LRRC37A2: variants seen among roughly 807,000 people sequenced by gnomAD.
LRRC37A2 encodes the protein leucine rich repeat containing 37 member A2.
Under a neutral mutation model 68.8 loss-of-function variants are expected in LRRC37A2, and 9 were observed. That is an observed-to-expected ratio of 0.13 (90% CI 0.08 to 0.23). The LOEUF is 0.23. Among genes scored for constraint, LRRC37A2 ranks in the 10% least tolerant of loss-of-function variants. The pLI is 1.00. For missense variants in LRRC37A2, 168 were observed against 950.4 expected, an observed-to-expected ratio of 0.18 and a Z score of 10.82; for synonymous variants, 63 against 367.6, an observed-to-expected ratio of 0.17 and a Z score of 9.48.
the LRRC37A2 span, among the ~76,000 whole-genome samples, chr17:46,738,613 G>A: frequency 9.2e-5 from 14 of 152,304 alleles, no homozygotes; most frequent in South Asian, 2.9e-3. Flanking sequence ...GGTAGATACG[G>A]TGTGCCCTGT....
the LRRC37A2 span, among the ~76,000 whole-genome samples, chr17:46,969,710 A>T: frequency 6.6e-6 from 1 of 152,212 alleles, no homozygotes; most frequent in African/African-American, 2.4e-5. Flanking sequence ...AATCAAAACA[A>T]TGAAAGAGGC....
chr17:46,933,213 G>A, the LRRC37A2 span: 1 of 152,206 alleles, frequency 6.6e-6, no homozygotes, highest in African/African-American at 2.4e-5. Flanking sequence ...TGCCAGCCTG[G>A]CGTGATGCTG....
chr17:46,761,435 G>A, the LRRC37A2 span, among the ~76,000 whole-genome samples: 1 of 151,312 alleles, frequency 6.6e-6, no homozygotes, highest in Non-Finnish European at 1.5e-5. Flanking sequence ...AGGTTCAAGT[G>A]ATTCTCCTGC....
the LRRC37A2 span, among the ~76,000 whole-genome samples, chr17:46,848,248 C>T: frequency 1.7e-3 from 264 of 152,234 alleles, 5 homozygotes; most frequent in Middle Eastern, 0.031. Context: ...CCATGGAGCC[C>T]GTGTCCGAGC....
the LRRC37A2 span, among the ~76,000 whole-genome samples, chr17:47,011,114 C>T: frequency 6.6e-6 from 1 of 152,180 alleles, no homozygotes; most frequent in African/African-American, 2.4e-5. Flanking sequence ...CCTGTCCAAC[C>T]GGAAGCCGCC....
chr17:46,926,944 A>G, the LRRC37A2 span, among the ~76,000 whole-genome samples: 1 of 152,238 alleles, frequency 6.6e-6, no homozygotes, highest in African/African-American at 2.4e-5. Context: ...GGGTCATAGC[A>G]TGGACACATG....
the LRRC37A2 span, among the ~76,000 whole-genome samples, chr17:46,865,154 G>A: frequency 6.6e-6 from 1 of 152,190 alleles, no homozygotes; most frequent in African/African-American, 2.4e-5. Flanking sequence ...AGTGGAGAGG[G>A]AGAGAGACAG....
At chr17:46,795,554 C>G in the LRRC37A2 span, among the ~76,000 whole-genome samples, 19 of 152,320 alleles carry the variant, frequency 1.2e-4, no homozygotes, top group Non-Finnish European at 2.6e-4. Flanking sequence ...ATGTGGCTAC[C>G]TCTAACCCAG....
At chr17:46,691,972 C>T in the LRRC37A2 span, among the ~76,000 whole-genome samples, 88 of 149,948 alleles carry the variant, frequency 5.9e-4, no homozygotes, top group East Asian at 0.015. Context: ...AGGCTGGTCT[C>T]GAACTCCTGA....
chr17:46,775,566 C>G, the LRRC37A2 span, among the ~76,000 whole-genome samples: 1 of 150,974 alleles, frequency 6.6e-6, no homozygotes, highest in African/African-American at 2.4e-5. Flanking sequence ...AGGTCTTAAG[C>G]ACTGAGCTTT....
the LRRC37A2 span, among the ~76,000 whole-genome samples, chr17:46,861,257 G>T: frequency 2.0e-5 from 3 of 152,152 alleles, no homozygotes; most frequent in African/African-American, 7.2e-5. Flanking sequence ...AATTTTTCAG[G>T]TGCTCAGGTC....
the LRRC37A2 span, among the ~76,000 whole-genome samples, chr17:46,883,113 G>A: frequency 1.3e-5 from 2 of 151,830 alleles, no homozygotes; most frequent in Non-Finnish European, 2.9e-5. Context: ...CGAGTAGCTG[G>A]GACTCCAGGT....
At chr17:46,899,938 A>G in the LRRC37A2 span, among the ~76,000 whole-genome samples, 133 of 151,500 alleles carry the variant, frequency 8.8e-4, no homozygotes, top group African/African-American at 3.0e-3. Context: ...TAGGGGTACA[A>G]CCTCAGCTCA....
the LRRC37A2 span, among the ~76,000 whole-genome samples, chr17:46,762,295 G>C: frequency 2.6e-5 from 4 of 152,184 alleles, no homozygotes; most frequent in Non-Finnish European, 5.9e-5. Context: ...TTCATTGTTA[G>C]AAGTTAACTT....
chr17:46,941,970 A>G, the LRRC37A2 span: 31 of 984,960 alleles, frequency 3.1e-5, no homozygotes, highest in Non-Finnish European at 3.7e-5. Flanking sequence ...ACATTGGTGT[A>G]AAGAGCAAAA....
At chr17:46,785,059 G>A in the LRRC37A2 span, among the ~76,000 whole-genome samples, 3 of 152,216 alleles carry the variant, frequency 2.0e-5, no homozygotes, top group South Asian at 4.2e-4. Flanking sequence ...TTACAGGCGT[G>A]AGCCACCGTG....
the LRRC37A2 span, among the ~76,000 whole-genome samples, chr17:46,851,028 G>C: frequency 6.6e-6 from 1 of 152,162 alleles, no homozygotes; most frequent in African/African-American, 2.4e-5. The surrounding 1 kb of genome is among the most constrained non-coding windows in gnomAD (Gnocchi z 4.3). Context: ...CTGGCAACAG[G>C]GTCCCCTGAG....
At chr17:46,849,801 A>G in the LRRC37A2 span, among the ~76,000 whole-genome samples, 1 of 152,078 alleles carries the variant, frequency 6.6e-6, no homozygotes, top group Non-Finnish European at 1.5e-5. Flanking sequence ...GCCTGCAGGT[A>G]TAACGATCAC....
At chr17:46,518,495 T>C (rs2051753948) in intron 3 of LRRC37A2, among the ~76,000 whole-genome samples, 4 of 119,556 alleles carry the variant, frequency 3.3e-5, no homozygotes. Flanking sequence ...TATAAAATTT[T>C]AATTGCCTTC....
Sources: allele counts gnomAD v4.1 joint callset (sites outside exome capture counted in the v4.1 genomes callset), GRCh38; gene constraint gnomAD v4.1.1; non-coding constraint Gnocchi (gnomAD v3.1); transcripts MANE v1.5; gene names NCBI Gene and HGNC (gene_info 2026-07-23, HGNC 2026-07-21).